KCNQ3: variants seen among roughly 807,000 people sequenced by gnomAD.
KCNQ3 encodes the protein potassium voltage-gated channel subfamily Q member 3, also known as potassium voltage-gated channel subfamily KQT member 3.
In KCNQ3, 30 loss-of-function variants were observed where a neutral mutation model predicts 92.5. That is an observed-to-expected ratio of 0.32 (90% CI 0.24 to 0.44). KCNQ3 has a LOEUF of 0.44. Among genes scored for constraint, KCNQ3 ranks in the 20% least tolerant of loss-of-function variants. The pLI, the probability that KCNQ3 is intolerant of heterozygous loss-of-function variation, is 1.00. For missense variants in KCNQ3, 913 were observed against 1,140.3 expected (o/e 0.80, Z 2.87); for synonymous variants, 450 against 468.8 (o/e 0.96, Z 0.52).
At chr8:132,450,329 G>A (rs2597349) in intron 1 of KCNQ3, among the ~76,000 whole-genome samples, 96,831 of 151,904 alleles carry the variant, frequency 0.64, 31,199 homozygotes, top group Middle Eastern at 0.77. Flanking sequence ...ATTTTTCCAG[G>A]GCACTGATTG....
intron 9 of KCNQ3, among the ~76,000 whole-genome samples, chr8:132,157,950 C>T (rs1432594353): frequency 6.6e-6 from 1 of 152,114 alleles, no homozygotes; most frequent in Non-Finnish European, 1.5e-5. Flanking sequence ...GTGTTTTAAT[C>T]CTTTGACTTC....
intron 1 of KCNQ3, among the ~76,000 whole-genome samples, chr8:132,278,586 C>T (rs2130520214): frequency 6.6e-6 from 1 of 152,280 alleles, no homozygotes; most frequent in South Asian, 2.1e-4. Context: ...CTGGGGTGTT[C>T]CCGCCTAAGT....
At chr8:132,219,566 C>G (rs1814150954) in intron 1 of KCNQ3, among the ~76,000 whole-genome samples, 1 of 152,152 alleles carries the variant, frequency 6.6e-6, no homozygotes, top group Non-Finnish European at 1.5e-5. Context: ...TGTTCTCTCT[C>G]AGTCTGGCTT....
intron 1 of KCNQ3, among the ~76,000 whole-genome samples, chr8:132,465,711 T>C (rs1822156456): frequency 6.6e-6 from 1 of 152,024 alleles, no homozygotes. Context: ...ACCACTGCAC[T>C]CCAGCCTGGG....
At chr8:132,178,092 G>A (rs1326544655) in intron 4 of KCNQ3, among the ~76,000 whole-genome samples, 1 of 152,210 alleles carries the variant, frequency 6.6e-6, no homozygotes, top group Non-Finnish European at 1.5e-5. Context: ...GCAGGCACTG[G>A]GGATCTATTA....
chr8:132,165,578 C>T (rs929919044), intron 8 of KCNQ3, among the ~76,000 whole-genome samples: 1 of 152,152 alleles, frequency 6.6e-6, no homozygotes, highest in African/African-American at 2.4e-5. Context: ...CTAAGACAAC[C>T]ACTCTCACAC....
intron 8 of KCNQ3, among the ~76,000 whole-genome samples, chr8:132,168,856 C>T (rs1010452461): frequency 2.7e-5 from 4 of 149,876 alleles, no homozygotes; most frequent in African/African-American, 9.8e-5. Context: ...GTCCACTGAA[C>T]CTGTAGACAC....
chr8:132,407,229 A>G (rs907030830), intron 1 of KCNQ3, among the ~76,000 whole-genome samples: 1 of 152,186 alleles, frequency 6.6e-6, no homozygotes, highest in Non-Finnish European at 1.5e-5. Context: ...AGGCCAGCGG[A>G]GACAGCACAG....
intron 1 of KCNQ3, among the ~76,000 whole-genome samples, chr8:132,292,264 A>G (rs919423302): frequency 2.6e-5 from 4 of 152,222 alleles, no homozygotes; most frequent in Non-Finnish European, 4.4e-5. Flanking sequence ...ATAACTGATA[A>G]CAGTGGTTGA....
intron 1 of KCNQ3, among the ~76,000 whole-genome samples, chr8:132,260,515 G>A (rs1815745369): frequency 6.6e-6 from 1 of 152,078 alleles, no homozygotes; most frequent in African/African-American, 2.4e-5. Context: ...GATAAGTTCT[G>A]TAGAGAACAA....
At chr8:132,326,664 C>T (rs1818060349) in intron 1 of KCNQ3, among the ~76,000 whole-genome samples, 2 of 152,220 alleles carry the variant, frequency 1.3e-5, no homozygotes, top group African/African-American at 2.4e-5. Flanking sequence ...AGACACAGTG[C>T]TCCTCTCCAG....
Position 132,131,447 on chromosome 8 carries a change from C to T in KCNQ3, c.1884+733G>A, listed in dbSNP as rs1172071065. On this transcript the variant is annotated intron_variant, in intron 14 of 14. Coordinates refer to ENST00000388996, the MANE Select transcript of KCNQ3 (RefSeq NM_004519.4). ...ATCTCACCTGTGCCTGCCCTCCTTC[C>T]GGCCTCTTCACGCAGGCAACCCACT... Among the ~76,000 whole-genome samples the T allele has an allele frequency of 6.6e-5, 10 of 152,234 alleles. No homozygotes were observed. The East Asian group carries it at 1.5e-3, about 24-fold the overall frequency.
At chr8:132,430,445 C>T (rs1294755221) in intron 1 of KCNQ3, among the ~76,000 whole-genome samples, 1 of 152,184 alleles carries the variant, frequency 6.6e-6, no homozygotes, top group Non-Finnish European at 1.5e-5. Context: ...CTGTGCCAGC[C>T]CTGGGTGTCC....
At position 132,275,994 on chromosome 8, in the gene KCNQ3, A is replaced by T. The variant is rs192619492; in HGVS notation, c.387-89813T>A. On this transcript the variant is annotated intron_variant, in intron 1 of 14. Coordinates refer to ENST00000388996, the MANE Select transcript of KCNQ3 (RefSeq NM_004519.4). The stretch of plus-strand genomic sequence containing the variant: ...TAGTACAAACTATGATTTACTGACC[A>T]CTTACTAGGGGTCGCTACACATCAA... Among the ~76,000 whole-genome samples, 343 of 152,160 alleles carry T rather than the reference A, an allele frequency of 2.3e-3. 1 individual carries two copies. The highest frequency in any genetic ancestry group is 7.8e-3 in the African/African-American group (322 of 41,498).
chr8:132,448,046 A>T (rs1821727164), intron 1 of KCNQ3, among the ~76,000 whole-genome samples: 1 of 152,148 alleles, frequency 6.6e-6, no homozygotes, highest in Non-Finnish European at 1.5e-5. Flanking sequence ...AGCAGCTACA[A>T]ATGTGCCTGG....
At chr8:132,452,734 A>G (rs1247988071) in intron 1 of KCNQ3, among the ~76,000 whole-genome samples, 2 of 152,156 alleles carry the variant, frequency 1.3e-5, no homozygotes, top group Non-Finnish European at 2.9e-5. Flanking sequence ...GTCAAGCATG[A>G]TAGAGGATTC....
intron 1 of KCNQ3, among the ~76,000 whole-genome samples, chr8:132,365,717 T>TACTTGTGACACAAGTATTTGATTTAAA (rs1330643772): frequency 6.6e-6 from 1 of 152,226 alleles, no homozygotes; most frequent in Non-Finnish European, 1.5e-5. Context: ...GATGTGTGAC[T>TACTTGTGACACAAGTATTTGATTTAAA]CTACTTGTAT....
chr8:132,299,551 G>A (rs1375489627), intron 1 of KCNQ3, among the ~76,000 whole-genome samples: 1 of 152,086 alleles, frequency 6.6e-6, no homozygotes, highest in Admixed American at 6.6e-5. Flanking sequence ...ACCAGACCAA[G>A]GGAATAAATG....
intron 1 of KCNQ3, among the ~76,000 whole-genome samples, chr8:132,390,993 T>C (rs1046824846): frequency 4.6e-5 from 7 of 152,192 alleles, no homozygotes; most frequent in African/African-American, 1.7e-4. Context: ...CCTGTCTCCT[T>C]TGGGCTTGGG....
Sources: gnomAD v4.1 joint callset for allele counts (sites outside exome capture counted in the v4.1 genomes callset) on GRCh38, gnomAD v4.1.1 for gene constraint, MANE v1.5 for transcripts, NCBI Gene and HGNC (gene_info 2026-07-23, HGNC 2026-07-21) for gene names.